SRCIN1: variants seen among roughly 807,000 people sequenced by gnomAD.
The protein encoded by SRCIN1 is P130Cas-associated protein.
SRCIN1 carries 50 observed loss-of-function variants against 116.2 expected under a neutral mutation model. The ratio of observed to expected loss-of-function variants is 0.43; its 90% CI spans 0.34 to 0.54. SRCIN1 has a LOEUF of 0.54. SRCIN1 is among the 20% of genes least tolerant of loss of function. The pLI is 0.02. For missense variants in SRCIN1, 1,446 were observed against 1,672.0 expected, an observed-to-expected ratio of 0.86 and a Z score of 2.36; for synonymous variants, 736 against 750.0, an observed-to-expected ratio of 0.98 and a Z score of 0.30.
chr17:38,543,613 T>C (rs1200982501), intron 18 of SRCIN1, among the ~76,000 whole-genome samples: 2 of 150,716 alleles, frequency 1.3e-5, no homozygotes, highest in Non-Finnish European at 2.9e-5. Flanking sequence ...TGAGAACTCA[T>C]GTGCTAATCT....
intron 1 of SRCIN1, among the ~76,000 whole-genome samples, chr17:38,598,818 G>A (rs1908861197): frequency 6.6e-6 from 1 of 152,186 alleles, no homozygotes; most frequent in Non-Finnish European, 1.5e-5. Context: ...TCCCCGGATG[G>A]AATGGAGTGT....
Position 38,561,955 on chromosome 17 carries a change from A to C in SRCIN1, c.1208T>G (p.Leu403Arg). The C allele has an allele frequency of 6.8e-7, 1 of 1,467,662 alleles. No homozygotes were observed. Among genetic ancestry groups the C allele is most frequent in the East Asian group, 2.8e-5 (1 of 35,662 alleles). The allele number at this position is 1,467,662 out of a possible 1,614,324, so 90.9% of individuals were successfully genotyped here. ...GGCCAGGCTCAGACGGCCCTCGTGC[A>C]GCAGCCCGTAGGGGTCAGCATAGAG... ...EGLYADPYGL[L>R]HEGRLSLAAA... is the part of the protein sequence containing the mutation. Residue 403 changes from leucine (L) to arginine (R), a missense_variant, in exon 7 of 19, where the codon CTG becomes CGG. Physicochemically the swap from Leu to Arg is moderately radical, Grantham distance 102 (BLOSUM62 -2). Transcript: ENST00000617146.
chr17:38,562,119 C>T lies in SRCIN1; in HGVS notation c.1044G>A (p.Ala348=). 7.2e-7 allele frequency: 1 copy of T among 1,397,674 alleles called. No homozygotes were observed. Among genetic ancestry groups the T allele is most frequent in the Non-Finnish European group, 9.2e-7 (1 of 1,083,464 alleles). The allele number at this position is 1,397,674 out of a possible 1,614,324, so 86.6% of individuals were successfully genotyped here. A position where few individuals can be genotyped will look rare whatever the true frequency, so the allele number is the denominator to read the frequency against. ...PSYAGSPVHH[A]AERLGGAPAA... is the part of the protein sequence containing the mutation. ...CCGGGGCGCCTCCCAGCCTCTCGGC[C>T]GCGTGGTGCACCGGGCTGCCGGCGT... The change falls in exon 7 of 19, where the codon GCG becomes GCA. Residue 348 remains alanine (A), a synonymous_variant. Coordinates refer to ENST00000617146, the MANE Select transcript of SRCIN1 (RefSeq NM_025248.3). This position sits in a 1 kb window ranked among gnomAD's most constrained non-coding sequence, Gnocchi z 4.2.
At chr17:38,570,824 T>C (rs911188831) in intron 2 of SRCIN1, among the ~76,000 whole-genome samples, 1 of 152,116 alleles carries the variant, frequency 6.6e-6, no homozygotes, top group African/African-American at 2.4e-5. Flanking sequence ...ATCAGTGCCA[T>C]AGGAAAGGCC....
chr17:38,604,611 G>C lies in SRCIN1; in HGVS notation c.22+1073C>G, dbSNP rs942815795. The C allele has an allele frequency of 4.6e-6, 2 of 439,018 alleles. No homozygotes were observed. Among genetic ancestry groups the C allele is most frequent in the African/African-American group, 2.1e-5 (1 of 48,738 alleles). The allele number at this position is 439,018 out of a possible 1,614,324, so 27.2% of individuals were successfully genotyped here. The stretch of plus-strand genomic sequence containing the variant: ...CACTGCCAGGGCTGCATGGGGACGC[G>C]TGGGGCTGGGGGACGAGCACCAGCA... On this transcript the variant is annotated intron_variant, in intron 1 of 18. Coordinates refer to ENST00000617146, the MANE Select transcript of SRCIN1 (RefSeq NM_025248.3). This position sits in a 1 kb window ranked among gnomAD's most constrained non-coding sequence, Gnocchi z 4.3.
rs1428468847 is a variant in SRCIN1, at chr17:38,562,828, C to G, written c.833G>C (p.Arg278Pro). The stretch of plus-strand genomic sequence containing the variant: ...TGCCCTGGGCATGCCCAGCCATACC[C>G]GGAGGTCCCCGTTGGTGAGATGTGA... ...PGSHLTNGDLRREMVYASRES... is the reference protein window; with the variant it reads ...PGSHLTNGDLPREMVYASRES... Residue 278 changes from arginine (R) to proline (P), a missense_variant and splice_region_variant, in exon 6 of 19, where the codon CGG becomes CCG. Coordinates refer to ENST00000617146, the MANE Select transcript of SRCIN1 (RefSeq NM_025248.3). The surrounding 1 kb of genome is among the most constrained non-coding windows in gnomAD (Gnocchi z 4.2). The G allele has an allele frequency of 6.2e-7, 1 of 1,613,582 alleles. No homozygotes were observed. Among genetic ancestry groups the G allele is most frequent in the Non-Finnish European group, 8.5e-7 (1 of 1,179,696 alleles).
At chr17:38,590,519 A>G (rs2143400409) in intron 1 of SRCIN1, among the ~76,000 whole-genome samples, 1 of 152,352 alleles carries the variant, frequency 6.6e-6, no homozygotes, top group East Asian at 1.9e-4. Flanking sequence ...TACAGGCATG[A>G]GCCACTGCAC....
rs1355463910 is a variant in SRCIN1 at position 38,578,588 on chromosome 17, C to A, written c.226G>T (p.Ala76Ser). The A allele has an allele frequency of 1.9e-6, 3 of 1,611,918 alleles. No individual in the cohort carries two copies. In the African/African-American group the frequency reaches 4.0e-5, roughly 22 times the overall value. The change falls in exon 2 of 19, where the codon GCC becomes TCC. Residue 76 changes from alanine to serine, a missense_variant. Physicochemically the swap from Ala to Ser is moderately conservative, Grantham distance 99. Coordinates refer to ENST00000617146, the MANE Select transcript of SRCIN1 (RefSeq NM_025248.3). ...ATGAAGGCATCACGCTTGCGGTCGG[C>A]GTCCGCCTTCTGGAGCCCGCTGAGC... ...EALSGLQKAD[A>S]DRKRDAFMDH...
At chr17:38,569,967 T>C (rs1906970523) in intron 2 of SRCIN1, among the ~76,000 whole-genome samples, 1 of 152,080 alleles carries the variant, frequency 6.6e-6, no homozygotes, top group African/African-American at 2.4e-5. Flanking sequence ...CCAGCGGTGA[T>C]GGACCGCTCT....
At chr17:38,537,010 C>G (rs1965574844) in intron 18 of SRCIN1, among the ~76,000 whole-genome samples, 1 of 151,646 alleles carries the variant, frequency 6.6e-6, no homozygotes, top group South Asian at 2.1e-4. Context: ...AACGCCAACT[C>G]TACCAAAAAT....
intron 1 of SRCIN1, among the ~76,000 whole-genome samples, chr17:38,599,463 A>G (rs1184253827): frequency 6.6e-6 from 1 of 152,170 alleles, no homozygotes; most frequent in Admixed American, 6.5e-5. Flanking sequence ...TTCATCTGAA[A>G]GGTCACGCTG....
chr17:38,537,316 T>C (rs1054250677), intron 18 of SRCIN1, among the ~76,000 whole-genome samples: 1 of 145,846 alleles, frequency 6.9e-6, no homozygotes, highest in Non-Finnish European at 1.5e-5. Context: ...GCCTGGGCAA[T>C]GTGACAAAAC....
Position 38,533,067 on chromosome 17 carries a change from TAAA to T in SRCIN1, c.*227_*229del. 2.7e-6 allele frequency: 1 copy of T among 373,398 alleles called. No individual in the cohort carries two copies. The highest frequency in any genetic ancestry group is 2.6e-5 in the African/African-American group (1 of 38,110). 23.1% of individuals were successfully genotyped at this position (373,398 alleles called of 1,614,324 possible). On this transcript the variant is annotated 3_prime_UTR_variant, in exon 19 of 19. Transcript: ENST00000617146. ...GTGTTTGGTTTTTAGTTTTACTGTTTAAAAAAAGATAATTAAAAGTTAATTGTT... is the reference window on the plus strand; with the variant it reads ...GTGTTTGGTTTTTAGTTTTACTGTTTAAAAGATAATTAAAAGTTAATTGTT...
At position 38,560,159 on chromosome 17, in the gene SRCIN1, G is replaced by A. The variant is rs148000181; in HGVS notation, c.1794-62C>T. 1,055 of 1,465,126 alleles carry A rather than the reference G, an allele frequency of 7.2e-4. 8 individuals are homozygous for A. In the African/African-American group the frequency reaches 0.014, roughly 19 times the overall value. 90.8% of individuals were successfully genotyped at this position (1,465,126 alleles called of 1,614,324 possible). A position where few individuals can be genotyped will look rare whatever the true frequency, so the allele number is the denominator to read the frequency against. On this transcript the variant is annotated intron_variant, in intron 8 of 18. Coordinates refer to ENST00000617146, the MANE Select transcript of SRCIN1 (RefSeq NM_025248.3). Reference sequence around the variant, plus strand: ...GCCAGCCCCAGACCTTCAGAGCTGGGTGGAACCTTGGATGTCATCTCCTCC... The same window carrying A: ...GCCAGCCCCAGACCTTCAGAGCTGGATGGAACCTTGGATGTCATCTCCTCC...
In SRCIN1 at chr17:38,572,864, G is replaced by T. The variant is rs1907184205; in HGVS notation, c.325-4633C>A. 3 of 152,088 alleles carry T rather than the reference G, an allele frequency of 2.0e-5. No individual in the cohort carries two copies. The South Asian group carries it at 5.3e-4, about 27-fold the overall frequency. 9.4% of individuals were successfully genotyped at this position (152,088 alleles called of 1,614,324 possible). The stretch of plus-strand genomic sequence containing the variant: ...CGCCGTGCCGGCCCGGGCCCCAGTC[G>T]CCCCGGTAACCGCGACTCCACCTGG... On this transcript the variant is annotated intron_variant, in intron 2 of 18. Transcript: ENST00000617146. The surrounding 1 kb of genome is among the most constrained non-coding windows in gnomAD (Gnocchi z 4.3).
Position 38,552,865 on chromosome 17 carries a change from C to T in SRCIN1, c.2202-10G>A. On this transcript the variant is annotated splice_polypyrimidine_tract_variant and intron_variant, in intron 11 of 18. Coordinates refer to ENST00000617146, the MANE Select transcript of SRCIN1 (RefSeq NM_025248.3). The surrounding 1 kb of genome is among the most constrained non-coding windows in gnomAD (Gnocchi z 5.3). Reference sequence around the variant, plus strand: ...CGATTTCTCCAGGTCACTGCAGCCACAGAGAGACCCTTTCAGCCCTTTTGG... The same window carrying T: ...CGATTTCTCCAGGTCACTGCAGCCATAGAGAGACCCTTTCAGCCCTTTTGG... 2 of 1,611,940 alleles carry T rather than the reference C, an allele frequency of 1.2e-6. No individual in the cohort carries two copies. Among genetic ancestry groups the T allele is most frequent in the Non-Finnish European group, 1.7e-6 (2 of 1,178,998 alleles).
At chr17:38,581,571 T>A (rs547918770) in intron 1 of SRCIN1, among the ~76,000 whole-genome samples, 1 of 151,794 alleles carries the variant, frequency 6.6e-6, no homozygotes, top group East Asian at 1.9e-4. Context: ...GGGATGGTAG[T>A]GAAATAAAGT....
In SRCIN1 at chr17:38,563,823, G is replaced by A. The variant is rs999949242; in HGVS notation, c.541+295C>T. On this transcript the variant is annotated intron_variant, in intron 4 of 18. Transcript: ENST00000617146. This position sits in a 1 kb window ranked among gnomAD's most constrained non-coding sequence, Gnocchi z 5.8. The stretch of plus-strand genomic sequence containing the variant: ...CTGAGGGGAAGTGAGCTGAGGGAGA[G>A]AGAGGTTGGAGAGAGTTAGAGAAGG... 3.2e-6 allele frequency: 2 copies of A among 627,174 alleles called. No individual in the cohort carries two copies. The highest frequency in any genetic ancestry group is 5.7e-6 in the Non-Finnish European group (2 of 353,944). 38.9% of individuals were successfully genotyped at this position (627,174 alleles called of 1,614,324 possible).
intron 1 of SRCIN1, among the ~76,000 whole-genome samples, chr17:38,584,602 C>A (rs150540379): frequency 3.7e-4 from 56 of 152,354 alleles, no homozygotes; most frequent in African/African-American, 1.3e-3. Flanking sequence ...CCGAACAATT[C>A]CAAATTCTAC....
Sources: allele counts gnomAD v4.1 joint callset (sites outside exome capture counted in the v4.1 genomes callset), GRCh38; gene constraint gnomAD v4.1.1; non-coding constraint Gnocchi (gnomAD v3.1); transcripts MANE v1.5; gene names NCBI Gene and HGNC (gene_info 2026-07-23, HGNC 2026-07-21).